Variants in FRRS1 observed in about 807,000 individuals in gnomAD.
FRRS1 encodes the protein ferric chelate reductase 1.
A neutral mutation model predicts 70.7 loss-of-function variants in FRRS1; 51 were observed. The ratio of observed to expected loss-of-function variants is 0.72; its 90% CI spans 0.58 to 0.91. The LOEUF is 0.91. FRRS1 is among the 40% of genes least tolerant of loss of function. FRRS1 has a pLI of 0.00. For missense variants in FRRS1, 672 were observed against 726.0 expected, an observed-to-expected ratio of 0.93 and a Z score of 0.86; for synonymous variants, 225 against 238.7, an observed-to-expected ratio of 0.94 and a Z score of 0.53.
At chr1:99,739,487 G>A (rs1382966443) in intron 6 of FRRS1, among the ~76,000 whole-genome samples, 1 of 152,092 alleles carries the variant, frequency 6.6e-6, no homozygotes, top group Non-Finnish European at 1.5e-5. Context: ...ATGGTCAAAC[G>A]AAAGTGCAAC....
Position 99,742,276 on chromosome 1 carries a change from G to C in FRRS1, c.334-3C>G, listed in dbSNP as rs760478854. ...CTTCTGTGACTCACTGCTGATCCCT[G>C]AAATAAAAGGGAAAAGAGCTACCAT... On this transcript the variant is annotated splice_region_variant and splice_polypyrimidine_tract_variant and intron_variant, in intron 4 of 16. Transcript: ENST00000646001. The C allele has an allele frequency of 1.9e-6, 3 of 1,572,268 alleles. No individual in the cohort carries two copies. The highest frequency in any genetic ancestry group is 3.3e-5 in the Admixed American group (2 of 59,948).
At chr1:99,735,645 A>C (rs1246893214) in intron 7 of FRRS1, among the ~76,000 whole-genome samples, 1 of 152,248 alleles carries the variant, frequency 6.6e-6, no homozygotes, top group Non-Finnish European at 1.5e-5. Flanking sequence ...TCTGTAAATC[A>C]ACTGCACCTG....
At chr1:99,755,322 G>C (rs1013266733) in intron 1 of FRRS1, among the ~76,000 whole-genome samples, 2 of 151,904 alleles carry the variant, frequency 1.3e-5, no homozygotes, top group Non-Finnish European at 2.9e-5. Context: ...TACTCAAGAG[G>C]CCGAGGTGGA....
chr1:99,742,824 C>A (rs149173152), intron 4 of FRRS1, among the ~76,000 whole-genome samples: 7 of 152,294 alleles, frequency 4.6e-5, no homozygotes, highest in Non-Finnish European at 8.8e-5. Flanking sequence ...CTATGCTTCC[C>A]ACTCACTGTG....
chr1:99,757,283 A>C (rs574914652), intron 1 of FRRS1, among the ~76,000 whole-genome samples: 2 of 152,236 alleles, frequency 1.3e-5, no homozygotes, highest in South Asian at 4.1e-4. Context: ...ACGATCTACC[A>C]ATGGATCTTA....
chr1:99,708,985 GATA>G lies in FRRS1; in HGVS notation c.*40_*42del. 1.2e-6 allele frequency: 2 copies of G among 1,613,978 alleles called. No homozygotes were observed. Among genetic ancestry groups the G allele is most frequent in the Admixed American group, 3.3e-5 (2 of 60,000 alleles). The stretch of plus-strand genomic sequence containing the variant: ...AGGCTTCAAGTTTCTTTGGTTTGAT[GATA>G]ATTATCACTTGGCCTGCAAAAGCCA... On this transcript the variant is annotated 3_prime_UTR_variant, in exon 17 of 17. Coordinates refer to ENST00000646001, the MANE Select transcript of FRRS1 (RefSeq NM_001361041.2).
chr1:99,717,618 C>G, intron 10 of FRRS1, 93 bp from the exon 11 acceptor site: 2 of 799,094 alleles, frequency 2.5e-6, no homozygotes, highest in Non-Finnish European at 4.4e-6. Context: ...ATATAAACAG[C>G]CAGCAAAATA....
At chr1:99,755,814 C>A (rs2100996337) in intron 1 of FRRS1, among the ~76,000 whole-genome samples, 1 of 152,240 alleles carries the variant, frequency 6.6e-6, no homozygotes, top group Admixed American at 6.5e-5. Context: ...AAGTATAAGA[C>A]AAGAAAGGGA....
At chr1:99,759,041 A>G (rs1656987679) in intron 1 of FRRS1, among the ~76,000 whole-genome samples, 1 of 152,210 alleles carries the variant, frequency 6.6e-6, no homozygotes. Context: ...ATGTTTATCA[A>G]GACAATACCT....
intron 15 of FRRS1, among the ~76,000 whole-genome samples, chr1:99,710,238 T>C (rs1654212012): frequency 6.6e-6 from 1 of 152,188 alleles, no homozygotes; most frequent in South Asian, 2.1e-4. Flanking sequence ...GGCTAAATGA[T>C]ACCCATTCCC....
rs529592695 is a variant in FRRS1 at position 99,717,578 on chromosome 1, G to A, written c.1121-53C>T. ...ACAATCACAAACGAATCAAGCCATC[G>A]CTTAAATGACCAAGCCAAATGCTCA... On this transcript the variant is annotated intron_variant, in intron 10 of 16. Transcript: ENST00000646001. 2.9e-4 allele frequency: 363 copies of A among 1,250,334 alleles called. No homozygotes were observed. In the African/African-American group the frequency reaches 4.7e-3, roughly 16 times the overall value. The allele number at this position is 1,250,334 out of a possible 1,614,324, so 77.5% of individuals were successfully genotyped here.
At chr1:99,743,610 C>T (rs1656082945) in intron 4 of FRRS1, among the ~76,000 whole-genome samples, 1 of 152,114 alleles carries the variant, frequency 6.6e-6, no homozygotes, top group Non-Finnish European at 1.5e-5. Flanking sequence ...ACACATGTGC[C>T]ATTCACAGAG....
chr1:99,754,385 G>A (rs1029573651), intron 1 of FRRS1, among the ~76,000 whole-genome samples: 1 of 152,114 alleles, frequency 6.6e-6, no homozygotes, highest in Admixed American at 6.5e-5. Flanking sequence ...AGGCTTAGGA[G>A]GGAGGATGAC....
intron 1 of FRRS1, among the ~76,000 whole-genome samples, chr1:99,761,437 T>C (rs1657108250): frequency 6.6e-6 from 1 of 152,176 alleles, no homozygotes; most frequent in African/African-American, 2.4e-5. Flanking sequence ...AATTTTTCCA[T>C]TTTCTTTATT....
rs780003783 is a variant in FRRS1, at chr1:99,710,940, A to G, written c.1490T>C (p.Met497Thr). 3.7e-6 allele frequency: 6 copies of G among 1,612,978 alleles called. No individual in the cohort carries two copies. The highest frequency in any genetic ancestry group is 1.3e-5 in the African/African-American group (1 of 74,906). ...TAARIIAVAA[M>T]FLGMDLPGLN... Reference sequence around the variant, plus strand: ...TCCTGGTAAATCCATTCCCAGGAACATCGCTGCCACTACATACAAAAGAAA... The same window carrying G: ...TCCTGGTAAATCCATTCCCAGGAACGTCGCTGCCACTACATACAAAAGAAA... The change falls in exon 15 of 17, where the codon ATG becomes ACG. Residue 497 changes from methionine (M) to threonine (T), a missense_variant. Physicochemically the swap from Met to Thr is moderately conservative, Grantham distance 81. Coordinates refer to ENST00000646001, the MANE Select transcript of FRRS1 (RefSeq NM_001361041.2).
chr1:99,725,857 T>A (rs940179019), intron 9 of FRRS1, among the ~76,000 whole-genome samples: 2 of 152,248 alleles, frequency 1.3e-5, no homozygotes, highest in African/African-American at 4.8e-5. Flanking sequence ...AATTCCTCCA[T>A]TTAAATGAAA....
At chr1:99,747,648 C>T (rs747086720) in intron 3 of FRRS1, 36 of 472,526 alleles carry the variant, frequency 7.6e-5, no homozygotes, top group Non-Finnish European at 1.1e-4. Flanking sequence ...ATAGCCATTC[C>T]GCAAAGAGAA....
chr1:99,753,897 C>A (rs1656699763), intron 1 of FRRS1, among the ~76,000 whole-genome samples: 1 of 152,154 alleles, frequency 6.6e-6, no homozygotes, highest in African/African-American at 2.4e-5. Context: ...CTACAGGACA[C>A]CCACTTTAAA....
At chr1:99,761,137 G>A (rs1004309499) in intron 1 of FRRS1, among the ~76,000 whole-genome samples, 3 of 151,498 alleles carry the variant, frequency 2.0e-5, no homozygotes, top group Admixed American at 1.3e-4. Context: ...TTTTGGGGGG[G>A]TGGGGGAAGG....
Sources: allele counts gnomAD v4.1 joint callset (sites outside exome capture counted in the v4.1 genomes callset), GRCh38; gene constraint gnomAD v4.1.1; transcripts MANE v1.5; gene names NCBI Gene and HGNC (gene_info 2026-07-23, HGNC 2026-07-21).